Variants in PLPPR5 observed in about 807,000 individuals in gnomAD.
PLPPR5 encodes the protein phospholipid phosphatase-related protein type 5.
Under a neutral mutation model 33.9 loss-of-function variants are expected in PLPPR5, and 16 were observed. The ratio of observed to expected loss-of-function variants is 0.47; its 90% CI spans 0.32 to 0.72. PLPPR5 has a LOEUF of 0.72. PLPPR5 is among the 30% of genes least tolerant of loss of function. PLPPR5 has a pLI of 0.03. For synonymous variants in PLPPR5, 163 were observed against 150.3 expected (o/e 1.08, Z -0.62); for missense variants, 301 against 406.7 (o/e 0.74, Z 2.23).
At chr1:98,895,579 C>T (rs1436284904) in intron 5 of PLPPR5, among the ~76,000 whole-genome samples, 1 of 151,940 alleles carries the variant, frequency 6.6e-6, no homozygotes, top group African/African-American at 2.4e-5. Context: ...CATTTTAAGC[C>T]ATAATACTCT....
At chr1:98,926,683 T>C (rs182160654) in intron 3 of PLPPR5, among the ~76,000 whole-genome samples, 2 of 152,318 alleles carry the variant, frequency 1.3e-5, no homozygotes, top group East Asian at 1.9e-4. Flanking sequence ...TTTTGAACTT[T>C]TATGCTGGCA....
intron 1 of PLPPR5, among the ~76,000 whole-genome samples, chr1:98,975,368 T>C (rs969713277): frequency 1.3e-5 from 2 of 152,098 alleles, no homozygotes; most frequent in Non-Finnish European, 2.9e-5. Flanking sequence ...AGATTTTGCA[T>C]TGTTCTCTTC....
chr1:98,905,557 T>C (rs1289218983), intron 5 of PLPPR5, among the ~76,000 whole-genome samples: 1 of 152,156 alleles, frequency 6.6e-6, no homozygotes, highest in Non-Finnish European at 1.5e-5. Context: ...AGTCTTGTAC[T>C]TTAACATTTT....
intron 4 of PLPPR5, among the ~76,000 whole-genome samples, chr1:98,916,044 A>G (rs1373973446): frequency 1.3e-5 from 2 of 152,116 alleles, no homozygotes; most frequent in African/African-American, 2.4e-5. Flanking sequence ...ATAATTATAC[A>G]TTTACATTTC....
At chr1:98,911,761 T>C (rs1649157118) in intron 5 of PLPPR5, among the ~76,000 whole-genome samples, 2 of 152,092 alleles carry the variant, frequency 1.3e-5, no homozygotes, top group African/African-American at 4.8e-5. Flanking sequence ...CCCTTTTTTT[T>C]TTTAGAGATG....
intron 3 of PLPPR5, among the ~76,000 whole-genome samples, chr1:98,942,715 TA>T (rs1018399864): frequency 6.6e-6 from 1 of 152,052 alleles, no homozygotes; most frequent in African/African-American, 2.4e-5. Context: ...TAGAAGGAAT[TA>T]AAAGGCTCCA....
At position 98,890,829 on chromosome 1, in the gene PLPPR5, G is replaced by A. The variant is rs1162534754; in HGVS notation, c.*2243C>T. On this transcript the variant is annotated 3_prime_UTR_variant, in exon 6 of 6. Transcript: ENST00000263177. ...GAGCCTATGATGTGTAAATAGTAGAGGTGACTTTACTCTGGTTCTGGGTTA... is the reference window on the plus strand; with the variant it reads ...GAGCCTATGATGTGTAAATAGTAGAAGTGACTTTACTCTGGTTCTGGGTTA... 6.6e-6 allele frequency: 1 copy of A among 152,462 alleles called. No homozygotes were observed. The highest frequency in any genetic ancestry group is 1.5e-5 in the Non-Finnish European group (1 of 67,998). 9.4% of individuals were successfully genotyped at this position (152,462 alleles called of 1,614,324 possible). A position where few individuals can be genotyped will look rare whatever the true frequency, so the allele number is the denominator to read the frequency against.
chr1:98,969,740 CCTTT>C (rs1008525202), intron 1 of PLPPR5, among the ~76,000 whole-genome samples: 14 of 151,796 alleles, frequency 9.2e-5, no homozygotes, highest in South Asian at 4.1e-4. Context: ...TTCCTTCCTT[CCTTT>C]CTTTCTTTTT....
intron 5 of PLPPR5, among the ~76,000 whole-genome samples, chr1:98,911,251 G>A (rs1432974611): frequency 1.3e-5 from 2 of 152,148 alleles, no homozygotes; most frequent in African/African-American, 4.8e-5. Flanking sequence ...GCAGGGTGTG[G>A]TGCCAATGCA....
intron 3 of PLPPR5, among the ~76,000 whole-genome samples, chr1:98,934,518 CT>C (rs1174043007): frequency 1.3e-5 from 2 of 152,184 alleles, no homozygotes; most frequent in African/African-American, 2.4e-5. Context: ...TTTATGGTGT[CT>C]TTCCCATGTC....
rs190229888 is a variant in PLPPR5 at position 98,949,745 on chromosome 1, C to T, written c.621+3325G>A. Among the ~76,000 whole-genome samples, 5 of 152,256 alleles carry T rather than the reference C, an allele frequency of 3.3e-5. No individual in the cohort carries two copies. In the East Asian group the frequency reaches 9.6e-4, roughly 29 times the overall value. On this transcript the variant is annotated intron_variant, in intron 3 of 5. Transcript: ENST00000263177. ...GTTCAAATATAACAGCAAAGCCTGC[C>T]TATAAGGCTTACATTTGCAGCAGGA...
At chr1:98,964,178 A>G (rs552380115) in intron 1 of PLPPR5, among the ~76,000 whole-genome samples, 4 of 152,330 alleles carry the variant, frequency 2.6e-5, no homozygotes, top group African/African-American at 9.6e-5. Flanking sequence ...TGGAGATGCT[A>G]AAAGCTTTGT....
chr1:98,937,252 T>C (rs1650203504), intron 3 of PLPPR5, among the ~76,000 whole-genome samples: 2 of 152,194 alleles, frequency 1.3e-5, no homozygotes, highest in African/African-American at 2.4e-5. Flanking sequence ...AGTGATAACA[T>C]ACTCCTGCCT....
intron 5 of PLPPR5, among the ~76,000 whole-genome samples, chr1:98,893,917 A>G (rs1412659962): frequency 1.3e-5 from 2 of 152,030 alleles, no homozygotes; most frequent in Admixed American, 6.6e-5. Flanking sequence ...TTGGATTTTT[A>G]TAACAAATGA....
intron 1 of PLPPR5, among the ~76,000 whole-genome samples, chr1:98,997,368 A>G (rs1427450810): frequency 2.6e-5 from 4 of 152,202 alleles, no homozygotes; most frequent in Admixed American, 2.6e-4. Context: ...TAGTAGATAC[A>G]TTGTCGTCTT....
intron 3 of PLPPR5, among the ~76,000 whole-genome samples, chr1:98,924,722 G>A (rs1649689830): frequency 1.3e-5 from 2 of 152,112 alleles, no homozygotes; most frequent in South Asian, 4.2e-4. Flanking sequence ...AGTTTCTCTT[G>A]AATGTCGAGT....
At chr1:98,952,329 C>T (rs552991922) in intron 3 of PLPPR5, among the ~76,000 whole-genome samples, 17 of 151,510 alleles carry the variant, frequency 1.1e-4, no homozygotes, top group Admixed American at 2.0e-4. Context: ...ACAGGGAACG[C>T]GTTAGGAGTC....
chr1:98,918,482 A>C (rs527624813), intron 4 of PLPPR5, among the ~76,000 whole-genome samples: 1 of 152,322 alleles, frequency 6.6e-6, no homozygotes, highest in East Asian at 1.9e-4. Flanking sequence ...GTGTTCAAAT[A>C]GTATTTGCCT....
At chr1:98,896,173 T>C (rs1648465750) in intron 5 of PLPPR5, among the ~76,000 whole-genome samples, 1 of 152,094 alleles carries the variant, frequency 6.6e-6, no homozygotes, top group Non-Finnish European at 1.5e-5. Context: ...GGTATGTACA[T>C]GCATAATTTG....
Sources: allele counts gnomAD v4.1 joint callset (sites outside exome capture counted in the v4.1 genomes callset), GRCh38; gene constraint gnomAD v4.1.1; transcripts MANE v1.5; gene names NCBI Gene and HGNC (gene_info 2026-07-23, HGNC 2026-07-21).